EIF4EBP2: variants seen among roughly 807,000 people sequenced by gnomAD.
EIF4EBP2 encodes eukaryotic translation initiation factor 4E binding protein 2, also known as eukaryotic translation initiation factor 4E-binding protein 2.
In EIF4EBP2, 5 loss-of-function variants were observed where a neutral mutation model predicts 10.3. The ratio of observed to expected loss-of-function variants is 0.48; its 90% CI spans 0.25 to 1.02. The LOEUF (loss-of-function observed/expected upper bound fraction) is 1.02, where lower values mean the gene tolerates loss of function less well. Ranked by LOEUF, EIF4EBP2 falls within the 50% of genes least tolerant of loss-of-function variation. The pLI, the probability that EIF4EBP2 is intolerant of heterozygous loss-of-function variation, is 0.15. For missense variants in EIF4EBP2, 188 were observed against 162.2 expected (o/e 1.16, Z -0.86); for synonymous variants, 67 against 61.1 (o/e 1.10, Z -0.45).
At chr10:70,412,417 G>A (rs907952857) in intron 1 of EIF4EBP2, among the ~76,000 whole-genome samples, 2 of 151,992 alleles carry the variant, frequency 1.3e-5, no homozygotes, top group African/African-American at 4.8e-5. Context: ...GGGGCTCCCT[G>A]TAAAAATATA....
At chr10:70,408,397 A>T (rs1418006374) in intron 1 of EIF4EBP2, among the ~76,000 whole-genome samples, 1 of 152,226 alleles carries the variant, frequency 6.6e-6, no homozygotes, top group Non-Finnish European at 1.5e-5. Context: ...TACAGGCGTC[A>T]GCCACTGCGC....
intron 1 of EIF4EBP2, among the ~76,000 whole-genome samples, chr10:70,415,829 A>T (rs1311734829): frequency 1.3e-5 from 2 of 152,128 alleles, no homozygotes; most frequent in African/African-American, 4.8e-5. Context: ...ATGACCTTGG[A>T]TTAGGCAGTG....
chr10:70,404,374 A>G lies in EIF4EBP2; in HGVS notation c.-28A>G, dbSNP rs777937794. 2 of 1,517,772 alleles carry G rather than the reference A, an allele frequency of 1.3e-6. No homozygotes were observed. Among genetic ancestry groups the G allele is most frequent in the South Asian group, 2.4e-5 (2 of 82,524 alleles). The allele number at this position is 1,517,772 out of a possible 1,614,324, so 94.0% of individuals were successfully genotyped here. A position where few individuals can be genotyped will look rare whatever the true frequency, so the allele number is the denominator to read the frequency against. ...CCCGCCGCCGCCGCCTGCCCGCCGG[A>G]CAAAGCCGAGAGCCCGCGCCCACAG... On this transcript the variant is annotated 5_prime_UTR_variant, in exon 1 of 3. Transcript: ENST00000373218.
chr10:70,415,180 AAAAG>A (rs930189946), intron 1 of EIF4EBP2, among the ~76,000 whole-genome samples: 20 of 152,166 alleles, frequency 1.3e-4, no homozygotes, highest in South Asian at 1.0e-3. Flanking sequence ...AAAGAAAAGA[AAAAG>A]AAAGCAATCC....
Position 70,424,464 on chromosome 10 carries a change from G to A in EIF4EBP2, c.*2717G>A, listed in dbSNP as rs964523866. On this transcript the variant is annotated 3_prime_UTR_variant, in exon 3 of 3. Transcript: ENST00000373218. ...GGCATGAGATAAACTTTCAATAGAT[G>A]ATACCTTTGTGTCATGCCTCATGGA... 1.2e-4 allele frequency: 19 copies of A among 152,192 alleles called. No homozygotes were observed. The highest frequency in any genetic ancestry group is 2.5e-4 in the Non-Finnish European group (17 of 68,040). 9.4% of individuals were successfully genotyped at this position (152,192 alleles called of 1,614,324 possible). A position where few individuals can be genotyped will look rare whatever the true frequency, so the allele number is the denominator to read the frequency against.
chr10:70,421,323 C>G (rs1845155478), intron 2 of EIF4EBP2, among the ~76,000 whole-genome samples: 1 of 152,166 alleles, frequency 6.6e-6, no homozygotes, highest in Non-Finnish European at 1.5e-5. Flanking sequence ...GGCCAGCATT[C>G]CGCTTTGTCA....
At chr10:70,412,012 T>G (rs2137226563) in intron 1 of EIF4EBP2, among the ~76,000 whole-genome samples, 1 of 152,334 alleles carries the variant, frequency 6.6e-6, no homozygotes, top group South Asian at 2.1e-4. Flanking sequence ...GATTCCCTCA[T>G]TTTTTAAATG....
Position 70,404,346 on chromosome 10 carries a change from G to T in EIF4EBP2, c.-56G>T. 6.7e-7 allele frequency: 1 copy of T among 1,483,800 alleles called. No individual in the cohort carries two copies. The highest frequency in any genetic ancestry group is 8.9e-7 in the Non-Finnish European group (1 of 1,120,456). The allele number at this position is 1,483,800 out of a possible 1,614,324, so 91.9% of individuals were successfully genotyped here. On this transcript the variant is annotated 5_prime_UTR_variant, in exon 1 of 3. Transcript: ENST00000373218. Reference sequence around the variant, plus strand: ...CCGCCTGAGGAGCCGAAGCAGCCCCGGCCCCGCCGCCGCCGCCTGCCCGCC... The same window carrying T: ...CCGCCTGAGGAGCCGAAGCAGCCCCTGCCCCGCCGCCGCCGCCTGCCCGCC...
chr10:70,418,477 A>G (rs1378547244), intron 1 of EIF4EBP2, among the ~76,000 whole-genome samples: 1 of 152,224 alleles, frequency 6.6e-6, no homozygotes, highest in Admixed American at 6.5e-5. Flanking sequence ...CGAACTCTGT[A>G]TAGTGATGTT....
chr10:70,405,768 A>G (rs1844959362), intron 1 of EIF4EBP2, among the ~76,000 whole-genome samples: 1 of 152,076 alleles, frequency 6.6e-6, no homozygotes, highest in South Asian at 2.1e-4. Context: ...ACCAAGGGAT[A>G]AAATCTAGGA....
Position 70,404,521 on chromosome 10 carries a change from G to A in EIF4EBP2, c.120G>A (p.Gly40=). The A allele has an allele frequency of 3.1e-6, 5 of 1,588,746 alleles. No individual in the cohort carries two copies. The highest frequency in any genetic ancestry group is 4.3e-6 in the Non-Finnish European group (5 of 1,170,868). Residue 40 remains glycine, a synonymous_variant, in exon 1 of 3, where the codon GGG becomes GGA. Coordinates refer to ENST00000373218, the MANE Select transcript of EIF4EBP2 (RefSeq NM_004096.5). Reference sequence around the variant, plus strand: ...ATGACTATTGCACCACGCCCGGGGGGACGCTCTTCTCCACCACACCGGGAG... The same window carrying A: ...ATGACTATTGCACCACGCCCGGGGGAACGCTCTTCTCCACCACACCGGGAG... ...LPHDYCTTPG[G]TLFSTTPGGT...
chr10:70,406,277 T>A (rs963910861), intron 1 of EIF4EBP2, among the ~76,000 whole-genome samples: 2 of 152,168 alleles, frequency 1.3e-5, no homozygotes, highest in African/African-American at 4.8e-5. Context: ...CCGGCCAAGA[T>A]CTTGCTTTTT....
Position 70,424,611 on chromosome 10 carries a change from C to CTTAA in EIF4EBP2, c.*2865_*2868dup, listed in dbSNP as rs1457853678. ...GGGTTTTTTAGAGAGAAGGAGCACT[C>CTTAA]TTAAGTTACCACTTTGAGACAGCTC... On this transcript the variant is annotated 3_prime_UTR_variant, in exon 3 of 3. Coordinates refer to ENST00000373218, the MANE Select transcript of EIF4EBP2 (RefSeq NM_004096.5). 3 of 152,208 alleles carry CTTAA rather than the reference C, an allele frequency of 2.0e-5. No individual in the cohort carries two copies. The highest frequency in any genetic ancestry group is 4.8e-5 in the African/African-American group (2 of 41,450). 9.4% of individuals were successfully genotyped at this position (152,208 alleles called of 1,614,324 possible).
intron 1 of EIF4EBP2, among the ~76,000 whole-genome samples, chr10:70,415,169 AAAAG>A (rs944159114): frequency 4.6e-5 from 7 of 151,592 alleles, no homozygotes; most frequent in African/African-American, 1.2e-4. Context: ...AAAAAAAAAA[AAAAG>A]AAAAGAAAAA....
intron 1 of EIF4EBP2, among the ~76,000 whole-genome samples, chr10:70,417,948 TTGC>T (rs1399847615): frequency 1.3e-5 from 2 of 152,204 alleles, no homozygotes; most frequent in Non-Finnish European, 2.9e-5. Flanking sequence ...AATAAGCAAG[TTGC>T]TGATTTCCAA....
chr10:70,417,809 C>T (rs1334835953), intron 1 of EIF4EBP2, among the ~76,000 whole-genome samples: 2 of 152,170 alleles, frequency 1.3e-5, no homozygotes, highest in African/African-American at 4.8e-5. Context: ...TCTGAAATCT[C>T]ATCATGAACA....
intron 1 of EIF4EBP2, among the ~76,000 whole-genome samples, chr10:70,408,622 G>A (rs1241126181): frequency 6.6e-6 from 1 of 151,974 alleles, no homozygotes; most frequent in Non-Finnish European, 1.5e-5. Flanking sequence ...CCTCAACCAG[G>A]GTGCAATAGT....
rs1331437477 is a variant in EIF4EBP2, at chr10:70,422,423, G to A, written c.*676G>A. On this transcript the variant is annotated 3_prime_UTR_variant, in exon 3 of 3. Coordinates refer to ENST00000373218, the MANE Select transcript of EIF4EBP2 (RefSeq NM_004096.5). ...CTGGGAGGAATGTCTTCTGTCTTTG[G>A]TATTATAGTTCATCTTCCCATTCTT... 1.3e-5 allele frequency: 2 copies of A among 152,158 alleles called. No individual in the cohort carries two copies. Among genetic ancestry groups the A allele is most frequent in the African/African-American group, 4.8e-5 (2 of 41,418 alleles). 9.4% of individuals were successfully genotyped at this position (152,158 alleles called of 1,614,324 possible).
In EIF4EBP2 at chr10:70,427,315, T is replaced by C. The variant is rs1845214117; in HGVS notation, c.*5568T>C. The C allele has an allele frequency of 6.6e-6, 1 of 152,222 alleles. No individual in the cohort carries two copies. The highest frequency in any genetic ancestry group is 1.5e-5 in the Non-Finnish European group (1 of 68,040). The allele number at this position is 152,222 out of a possible 1,614,324, so 9.4% of individuals were successfully genotyped here. A position where few individuals can be genotyped will look rare whatever the true frequency, so the allele number is the denominator to read the frequency against. ...GTGGACTTAGTTATCCCTACAGTTCTTTAACTCTCAGCTTTTAATAAAAGA... is the reference window on the plus strand; with the variant it reads ...GTGGACTTAGTTATCCCTACAGTTCCTTAACTCTCAGCTTTTAATAAAAGA... On this transcript the variant is annotated 3_prime_UTR_variant, in exon 3 of 3. Transcript: ENST00000373218.
Sources: gnomAD v4.1 joint callset for allele counts (sites outside exome capture counted in the v4.1 genomes callset) on GRCh38, gnomAD v4.1.1 for gene constraint, MANE v1.5 for transcripts, NCBI Gene and HGNC (gene_info 2026-07-23, HGNC 2026-07-21) for gene names.